The following MYH9 variants were observed in gnomAD, a reference collection of about 807,000 sequenced individuals.
MYH9 encodes the protein myosin-9.
Under a neutral mutation model 241.9 loss-of-function variants are expected in MYH9, and 29 were observed. The ratio of observed to expected loss-of-function variants is 0.12; its 90% CI spans 0.09 to 0.16. MYH9 has a LOEUF of 0.16. Among genes scored for constraint, MYH9 ranks in the 10% least tolerant of loss-of-function variants. The pLI is 1.00. For missense variants in MYH9, 1,803 were observed against 2,595.5 expected (o/e 0.69, Z 6.63); for synonymous variants, 1,047 against 1,062.6 (o/e 0.99, Z 0.29).
intron 14 of MYH9, among the ~76,000 whole-genome samples, chr22:36,310,025 G>A (rs1470233782): frequency 1.3e-5 from 2 of 152,208 alleles, no homozygotes; most frequent in Non-Finnish European, 2.9e-5. Flanking sequence ...CAAGGCGGGT[G>A]GATCACCTGA....
intron 1 of MYH9, among the ~76,000 whole-genome samples, chr22:36,374,441 AC>A (rs1410981263): frequency 2.0e-5 from 3 of 152,190 alleles, no homozygotes; most frequent in Non-Finnish European, 4.4e-5. Flanking sequence ...GATTGCTTGA[AC>A]CTGGGAGGCG....
At chr22:36,290,308 C>T (rs2016665531) in intron 31 of MYH9, among the ~76,000 whole-genome samples, 1 of 146,134 alleles carries the variant, frequency 6.8e-6, no homozygotes, top group African/African-American at 2.6e-5. Flanking sequence ...CCACGGCACC[C>T]CAGCCTGGGC....
chr22:36,383,263 C>T (rs780351409), intron 1 of MYH9, among the ~76,000 whole-genome samples: 4 of 152,110 alleles, frequency 2.6e-5, no homozygotes, highest in Non-Finnish European at 4.4e-5. Flanking sequence ...CCTCCCCTCA[C>T]CCAGAGCCAG....
intron 27 of MYH9, among the ~76,000 whole-genome samples, chr22:36,294,598 G>T (rs986967906): frequency 6.6e-6 from 1 of 152,222 alleles, no homozygotes; most frequent in Admixed American, 6.5e-5. Flanking sequence ...GCATGGCATT[G>T]GTGTTGCAGA....
At position 36,304,010 on chromosome 22, in the gene MYH9, C is replaced by G. The variant is rs1363695227; in HGVS notation, c.2375G>C (p.Gly792Ala). The G allele has an allele frequency of 6.2e-7, 1 of 1,613,604 alleles. No homozygotes were observed. The highest frequency in any genetic ancestry group is 8.5e-7 in the Non-Finnish European group (1 of 1,180,024). ...VIIGFQACCR[G>A]YLARKAFAKR... is the part of the protein sequence containing the mutation. Reference sequence around the variant, plus strand: ...CGGGACTCACTTCCTGGCCAGGTAGCCCCTGCAGCAGGCCTGGAACCCTAT... The same window carrying G: ...CGGGACTCACTTCCTGGCCAGGTAGGCCCTGCAGCAGGCCTGGAACCCTAT... Residue 792 changes from glycine (G) to alanine (A), a missense_variant, in exon 19 of 41, where the codon GGC becomes GCC. This residue lies in a region of MYH9 where 72 missense variants were observed against 83.3 expected (regional missense o/e 0.86). Transcript: ENST00000216181.
intron 21 of MYH9, 133 bp downstream of exon 21, chr22:36,301,401 A>C (rs55797735): frequency 5.7e-6 from 7 of 1,220,188 alleles, no homozygotes; most frequent in Non-Finnish European, 7.0e-6. Flanking sequence ...CACTGTTTAC[A>C]GTAATAGGAA....
chr22:36,290,386 T>G (rs1335535566), intron 31 of MYH9, among the ~76,000 whole-genome samples: 1 of 147,984 alleles, frequency 6.8e-6, no homozygotes, highest in African/African-American at 2.5e-5. Flanking sequence ...AAACCCAAAC[T>G]ATAATTAAAT....
At chr22:36,369,935 TGAGA>T (rs892834193) in intron 1 of MYH9, among the ~76,000 whole-genome samples, 1 of 152,232 alleles carries the variant, frequency 6.6e-6, no homozygotes, top group South Asian at 2.1e-4. Flanking sequence ...TTCATGGGAT[TGAGA>T]GACTTTTGTT....
At chr22:36,359,771 C>T (rs147542410) in intron 1 of MYH9, among the ~76,000 whole-genome samples, 1 of 152,276 alleles carries the variant, frequency 6.6e-6, no homozygotes, top group African/African-American at 2.4e-5. Context: ...TGGAATGCTA[C>T]GCCTCCATCT....
intron 30 of MYH9, 60 bp from the exon 31 acceptor site, chr22:36,292,294 C>T (rs530472596): frequency 3.9e-5 from 62 of 1,607,986 alleles, no homozygotes; most frequent in Middle Eastern, 1.7e-4. Flanking sequence ...GTGGCACACC[C>T]GTCCCTGGGG....
chr22:36,289,643 T>A (rs1008964306), intron 31 of MYH9, among the ~76,000 whole-genome samples: 5 of 152,210 alleles, frequency 3.3e-5, no homozygotes, highest in African/African-American at 1.2e-4. Flanking sequence ...CAGCTGGCAT[T>A]TGGTTGGCAC....
intron 20 of MYH9, chr22:36,302,291 G>T (rs1468895165): frequency 2.6e-6 from 1 of 380,596 alleles, no homozygotes; most frequent in African/African-American, 2.1e-5. Context: ...AAAATAAAGA[G>T]ATTTTTTTTT....
chr22:36,315,613 T>C (rs185487751), intron 12 of MYH9, among the ~76,000 whole-genome samples: 40 of 152,182 alleles, frequency 2.6e-4, no homozygotes, highest in Admixed American at 2.4e-3. Flanking sequence ...CCAGGTGTCA[T>C]GCCACATGCC....
At chr22:36,385,979 CCT>C (rs1163738612) in intron 1 of MYH9, among the ~76,000 whole-genome samples, 1 of 152,180 alleles carries the variant, frequency 6.6e-6, no homozygotes, top group African/African-American at 2.4e-5. Context: ...CCTTGAAATT[CCT>C]GAGTCCTTTG....
intron 12 of MYH9, among the ~76,000 whole-genome samples, chr22:36,315,688 C>T (rs2017138176): frequency 6.6e-6 from 1 of 151,986 alleles, no homozygotes; most frequent in Non-Finnish European, 1.5e-5. Context: ...GTCGAAGCTG[C>T]AGTGAGCCAT....
chr22:36,353,273 C>G (rs574979376), intron 1 of MYH9, among the ~76,000 whole-genome samples: 1 of 152,278 alleles, frequency 6.6e-6, no homozygotes, highest in African/African-American at 2.4e-5. Context: ...GGCACGACAG[C>G]GGGATACCCG....
rs201221182 is a variant in MYH9 at position 36,320,769 on chromosome 22, C to T, written c.868+29G>A. On this transcript the variant is annotated intron_variant, in intron 8 of 40. Transcript: ENST00000216181. The surrounding 1 kb of genome is among the most constrained non-coding windows in gnomAD (Gnocchi z 4.8). ...CAAGAGGCCCAGAGCCCGGCAGCCC[C>T]GGTGTCAGGCTGCAGGCCAACTACT... 27 of 1,550,618 alleles carry T rather than the reference C, an allele frequency of 1.7e-5. No homozygotes were observed. The highest frequency in any genetic ancestry group is 1.3e-4 in the South Asian group (12 of 89,656).
At chr22:36,298,096 C>T (rs2016816411) in intron 24 of MYH9, among the ~76,000 whole-genome samples, 1 of 152,298 alleles carries the variant, frequency 6.6e-6, no homozygotes, top group South Asian at 2.1e-4. Context: ...CTCTCTTCTG[C>T]TGGACCTGAC....
chr22:36,322,177 G>A (rs1453608217), intron 6 of MYH9, among the ~76,000 whole-genome samples: 3 of 152,250 alleles, frequency 2.0e-5, no homozygotes, highest in African/African-American at 2.4e-5. Context: ...AGCAGGCAGC[G>A]CCCTCACTGG....
Sources: gnomAD v4.1 joint callset for allele counts (sites outside exome capture counted in the v4.1 genomes callset) on GRCh38, gnomAD v4.1.1 for gene constraint, gnomAD v4.1.1 regional missense constraint, Gnocchi (gnomAD v3.1) non-coding constraint, MANE v1.5 for transcripts, NCBI Gene and HGNC (gene_info 2026-07-23, HGNC 2026-07-21) for gene names.